FAT3: variants seen among roughly 807,000 people sequenced by gnomAD.
The protein encoded by FAT3 is protocadherin Fat 3.
A neutral mutation model predicts 310.2 loss-of-function variants in FAT3; 95 were observed. That is an observed-to-expected ratio of 0.31 (90% CI 0.26 to 0.36). The LOEUF (loss-of-function observed/expected upper bound fraction) is 0.36. Among genes scored for constraint, FAT3 ranks in the 10% least tolerant of loss-of-function variants. The pLI is 1.00. For missense variants in FAT3, 5,408 were observed against 5,715.6 expected (o/e 0.95, Z 1.74); for synonymous variants, 2,314 against 2,192.9 (o/e 1.06, Z -1.54).
intron 3 of FAT3, among the ~76,000 whole-genome samples, chr11:92,626,577 C>T (rs1192263553): frequency 6.0e-5 from 9 of 151,234 alleles, no homozygotes; most frequent in South Asian, 2.1e-4. Flanking sequence ...TGGGTCTTTT[C>T]GGGGGGCACT....
intron 3 of FAT3, among the ~76,000 whole-genome samples, chr11:92,556,074 A>G (rs1225860599): frequency 6.6e-6 from 1 of 152,194 alleles, no homozygotes; most frequent in Non-Finnish European, 1.5e-5. Flanking sequence ...CTGGGACATA[A>G]TAAGTGCTCA....
chr11:92,225,821 A>G (rs10160765), intron 1 of FAT3, among the ~76,000 whole-genome samples: 67,428 of 151,994 alleles, frequency 0.44, 15,494 homozygotes, highest in Non-Finnish European at 0.52. Context: ...ACTGGGGACG[A>G]CATCCTTTAC....
Position 92,838,210 on chromosome 11 carries a change from G to A in FAT3, c.10368+404G>A, listed in dbSNP as rs117675148. Among the ~76,000 whole-genome samples the A allele has an allele frequency of 2.8e-3, 420 of 152,262 alleles. 6 individuals carry two copies. Among genetic ancestry groups the A allele is most frequent in the Non-Finnish European group, 1.6e-3 (110 of 68,030 alleles). On this transcript the variant is annotated intron_variant, in intron 17 of 27. Coordinates refer to ENST00000525166, the MANE Select transcript of FAT3 (RefSeq NM_001367949.2). ...TCTGCAAAAGAATTCTCTTTCCCCA[G>A]TGGCAGGCTACCTTTAAGCAACTTT...
chr11:92,339,411 G>A (rs1173689953), intron 1 of FAT3, among the ~76,000 whole-genome samples: 1 of 152,166 alleles, frequency 6.6e-6, no homozygotes, highest in Non-Finnish European at 1.5e-5. Context: ...TATTTATTGA[G>A]CACCTACTAT....
chr11:92,654,209 C>G (rs1436036216), intron 3 of FAT3, among the ~76,000 whole-genome samples: 2 of 152,218 alleles, frequency 1.3e-5, no homozygotes, highest in South Asian at 2.1e-4. Flanking sequence ...ACCTTTCAAT[C>G]TGGTTTCCCA....
chr11:92,767,679 T>C (rs1447923367), intron 6 of FAT3, among the ~76,000 whole-genome samples: 1 of 152,164 alleles, frequency 6.6e-6, no homozygotes, highest in Non-Finnish European at 1.5e-5. Context: ...GCATGTAACC[T>C]GATTTGCAAG....
chr11:92,323,492 A>AT (rs1947680734), intron 1 of FAT3, among the ~76,000 whole-genome samples: 2 of 151,792 alleles, frequency 1.3e-5, no homozygotes, highest in African/African-American at 4.8e-5. Context: ...AGTTCAAGTG[A>AT]TCCCCCCATG....
At chr11:92,747,422 C>T (rs1391696153) in intron 4 of FAT3, among the ~76,000 whole-genome samples, 2 of 152,226 alleles carry the variant, frequency 1.3e-5, no homozygotes, top group East Asian at 1.9e-4. Context: ...AGCAGGGGGA[C>T]CCTGGGCCCA....
At chr11:92,255,412 C>T (rs192162827) in intron 1 of FAT3, among the ~76,000 whole-genome samples, 182 of 151,184 alleles carry the variant, frequency 1.2e-3, no homozygotes, top group African/African-American at 4.3e-3. Context: ...ATTTGTCTAC[C>T]TCATTGGATA....
Position 92,297,738 on chromosome 11 carries a change from G to T in FAT3, c.-17-54358G>T, listed in dbSNP as rs1172328330. ...GTTATCATTTAGAATTCTCCCACCT[G>T]CTTCCAGATGTCAAAGGAGTGGGGG... On this transcript the variant is annotated intron_variant, in intron 1 of 27. Coordinates refer to ENST00000525166, the MANE Select transcript of FAT3 (RefSeq NM_001367949.2). Among the ~76,000 whole-genome samples the T allele has an allele frequency of 3.3e-5, 5 of 152,220 alleles. No homozygotes were observed. In the East Asian group the frequency reaches 9.7e-4, roughly 29 times the overall value.
At chr11:92,325,930 G>T (rs1258384598) in intron 1 of FAT3, among the ~76,000 whole-genome samples, 1 of 152,102 alleles carries the variant, frequency 6.6e-6, no homozygotes, top group South Asian at 2.1e-4. Flanking sequence ...ATACCTGGCC[G>T]GGCCATTCTT....
intron 19 of FAT3, among the ~76,000 whole-genome samples, chr11:92,849,523 G>A (rs1948766675): frequency 6.6e-6 from 1 of 152,180 alleles, no homozygotes; most frequent in African/African-American, 2.4e-5. Flanking sequence ...AAGGATAATT[G>A]TTATGACCCT....
chr11:92,739,586 G>T (rs777373223), intron 4 of FAT3, among the ~76,000 whole-genome samples: 65 of 152,164 alleles, frequency 4.3e-4, no homozygotes, highest in Non-Finnish European at 2.9e-4. Flanking sequence ...TTCCTAGTTT[G>T]GCTGGATATT....
At chr11:92,608,365 C>T (rs1258721638) in intron 3 of FAT3, among the ~76,000 whole-genome samples, 1 of 152,072 alleles carries the variant, frequency 6.6e-6, no homozygotes. Flanking sequence ...GTTTTCAACT[C>T]CTTATGGAAT....
chr11:92,347,625 T>C (rs1948452837), intron 1 of FAT3, among the ~76,000 whole-genome samples: 1 of 152,090 alleles, frequency 6.6e-6, no homozygotes, highest in Admixed American at 6.5e-5. Flanking sequence ...CTGGTATTTA[T>C]TCATCCATGG....
At chr11:92,715,779 G>A (rs1342556715) in intron 4 of FAT3, among the ~76,000 whole-genome samples, 1 of 151,846 alleles carries the variant, frequency 6.6e-6, no homozygotes, top group African/African-American at 2.4e-5. Flanking sequence ...CACAGAAGAG[G>A]GGAGACTTGA....
chr11:92,738,268 G>A (rs1042145910), intron 4 of FAT3, among the ~76,000 whole-genome samples: 10 of 152,164 alleles, frequency 6.6e-5, no homozygotes, highest in African/African-American at 2.4e-4. Context: ...TTACTGCAGG[G>A]ACATTTAATT....
chr11:92,415,007 C>CA (rs59309979), intron 2 of FAT3, among the ~76,000 whole-genome samples: 339 of 145,056 alleles, frequency 2.3e-3, no homozygotes, highest in South Asian at 2.4e-3. Flanking sequence ...AAGATTTCGT[C>CA]AAAAAAAAAA....
chr11:92,423,481 T>C (rs984072192), intron 2 of FAT3, among the ~76,000 whole-genome samples: 1 of 152,212 alleles, frequency 6.6e-6, no homozygotes, highest in Admixed American at 6.5e-5. Flanking sequence ...AAGGAGATCA[T>C]GTAATTTATC....
Sources: gnomAD v4.1 joint callset for allele counts (sites outside exome capture counted in the v4.1 genomes callset) on GRCh38, gnomAD v4.1.1 for gene constraint, MANE v1.5 for transcripts, NCBI Gene and HGNC (gene_info 2026-07-23, HGNC 2026-07-21) for gene names.